The following CCL17 variants were observed in gnomAD, a reference collection of about 807,000 sequenced individuals.
The protein encoded by CCL17 is C-C motif chemokine 17.
A neutral mutation model predicts 7.4 loss-of-function variants in CCL17; 8 were observed. The observed-to-expected ratio is 1.09, with a 90% CI of 0.64 to 1.96. The LOEUF (loss-of-function observed/expected upper bound fraction) is 1.96, where lower values mean the gene tolerates loss of function less well. Among genes scored for constraint, CCL17 ranks in the 30% most tolerant of loss-of-function variants. The pLI, the probability that CCL17 is intolerant of heterozygous loss-of-function variation, is 0.00. For missense variants in CCL17, 102 were observed against 113.0 expected, an observed-to-expected ratio of 0.90 and a Z score of 0.44; for synonymous variants, 40 against 46.1, an observed-to-expected ratio of 0.87 and a Z score of 0.54.
chr16:57,411,214 C>A (rs1332700994), intron 1 of CCL17, among the ~76,000 whole-genome samples: 5 of 152,204 alleles, frequency 3.3e-5, no homozygotes, highest in African/African-American at 1.2e-4. Context: ...ACCTGCATGT[C>A]CCTATGAGGG....
rs552595394 is a variant in CCL17 at position 57,411,909 on chromosome 16, C to T, written c.-59-1965C>T. On this transcript the variant is annotated intron_variant, in intron 1 of 3. Transcript: ENST00000219244. ...TGGGATGTTGGCACCAAAGAGGTGC[C>T]CAGGCAGGAAGAGCAGCCTCCCCTC... Among the ~76,000 whole-genome samples the T allele has an allele frequency of 5.9e-5, 9 of 152,316 alleles. No individual in the cohort carries two copies. The South Asian group carries it at 1.9e-3, about 32-fold the overall frequency.
In CCL17 at chr16:57,415,049, CAGACA is replaced by C. The variant is rs763133187; in HGVS notation, c.71-31_71-27del. ...CCCGCAACACACACGCAGACACTCA[CAGACA>C]CCCCTGCCCCGCTCCTCTCCCTGCA... On this transcript the variant is annotated intron_variant, in intron 2 of 3. Transcript: ENST00000219244. The surrounding 1 kb of genome is among the most constrained non-coding windows in gnomAD (Gnocchi z 4.5). 2.7e-6 allele frequency: 4 copies of C among 1,465,700 alleles called. No individual in the cohort carries two copies. Among genetic ancestry groups the C allele is most frequent in the Non-Finnish European group, 3.8e-6 (4 of 1,045,206 alleles). 90.8% of individuals were successfully genotyped at this position (1,465,700 alleles called of 1,614,324 possible).
Position 57,415,916 on chromosome 16 carries a change from C to T in CCL17, c.*55C>T. 4 of 1,221,864 alleles carry T rather than the reference C, an allele frequency of 3.3e-6. No individual in the cohort carries two copies. Among genetic ancestry groups the T allele is most frequent in the Non-Finnish European group, 4.8e-6 (4 of 825,086 alleles). 75.7% of individuals were successfully genotyped at this position (1,221,864 alleles called of 1,614,324 possible). A position where few individuals can be genotyped will look rare whatever the true frequency, so the allele number is the denominator to read the frequency against. On this transcript the variant is annotated 3_prime_UTR_variant, in exon 4 of 4. Coordinates refer to ENST00000219244, the MANE Select transcript of CCL17 (RefSeq NM_002987.3). This position sits in a 1 kb window ranked among gnomAD's most constrained non-coding sequence, Gnocchi z 4.5. Reference sequence around the variant, plus strand: ...TCCCGGGACTACCTGGGACCTCCACCGTTGGTGTTCACCGCCCCCACCCTG... The same window carrying T: ...TCCCGGGACTACCTGGGACCTCCACTGTTGGTGTTCACCGCCCCCACCCTG...
intron 1 of CCL17, among the ~76,000 whole-genome samples, chr16:57,407,660 C>T (rs563713291): frequency 6.6e-6 from 1 of 152,226 alleles, no homozygotes; most frequent in South Asian, 2.1e-4. Flanking sequence ...ACCCACCCAT[C>T]CATCAGTCCA....
At position 57,415,729 on chromosome 16, in the gene CCL17, C is replaced by G. The variant is rs761147315; in HGVS notation, c.189-36C>G. 2.1e-6 allele frequency: 3 copies of G among 1,403,886 alleles called. No individual in the cohort carries two copies. Among genetic ancestry groups the G allele is most frequent in the Non-Finnish European group, 3.0e-6 (3 of 988,310 alleles). The allele number at this position is 1,403,886 out of a possible 1,614,324, so 87.0% of individuals were successfully genotyped here. ...CCAGGGACTCTGGGGGCCCTTCCCC[C>G]CCTGCCACTCCTGGTAACGTCCTCC... On this transcript the variant is annotated intron_variant, in intron 3 of 3. Transcript: ENST00000219244. This position sits in a 1 kb window ranked among gnomAD's most constrained non-coding sequence, Gnocchi z 4.5.
At chr16:57,410,558 C>T (rs1251850583) in intron 1 of CCL17, among the ~76,000 whole-genome samples, 2 of 152,174 alleles carry the variant, frequency 1.3e-5, no homozygotes, top group Non-Finnish European at 2.9e-5. Flanking sequence ...AGGGAGCATT[C>T]CTGATTGCCC....
intron 1 of CCL17, among the ~76,000 whole-genome samples, chr16:57,405,159 T>G (rs1902675980): frequency 6.6e-6 from 1 of 151,932 alleles, no homozygotes; most frequent in African/African-American, 2.4e-5. Context: ...CATTGACGGT[T>G]TTGGAGGAAG....
chr16:57,396,427 C>T, the CCL17 span, among the ~76,000 whole-genome samples: 1 of 152,126 alleles, frequency 6.6e-6, no homozygotes, highest in South Asian at 2.1e-4. Flanking sequence ...CAAGGTAGCT[C>T]CAGTGAGCGG....
At chr16:57,398,164 A>G in the CCL17 span, among the ~76,000 whole-genome samples, 1 of 152,166 alleles carries the variant, frequency 6.6e-6, no homozygotes, top group African/African-American at 2.4e-5. Flanking sequence ...CTAGTATGCC[A>G]TTTACATCAT....
chr16:57,412,681 C>G (rs1234855290), intron 1 of CCL17, among the ~76,000 whole-genome samples: 2 of 152,144 alleles, frequency 1.3e-5, no homozygotes, highest in African/African-American at 4.8e-5. Flanking sequence ...GCCAAGGTCC[C>G]CCATGTCACA....
At chr16:57,403,190 ATAT>A (rs1412463731), upstream of CCL17, among the ~76,000 whole-genome samples, 1 of 40,232 alleles carries the variant, frequency 2.5e-5, no homozygotes, top group South Asian at 1.1e-3. Flanking sequence ...TATATAATAT[ATAT>A]TATTATCTAT....
chr16:57,415,017 A>C lies in CCL17; in HGVS notation c.71-64A>C, dbSNP rs1436214069. On this transcript the variant is annotated intron_variant, in intron 2 of 3. Coordinates refer to ENST00000219244, the MANE Select transcript of CCL17 (RefSeq NM_002987.3). This position sits in a 1 kb window ranked among gnomAD's most constrained non-coding sequence, Gnocchi z 4.5. ...TGCAGATCTTCCACGAACACCCCCC[A>C]GAGGTCCCCGCAACACACACGCAGA... is the stretch of plus-strand genomic sequence containing the variant. 1 of 1,053,600 alleles carries C rather than the reference A, an allele frequency of 9.5e-7. No individual in the cohort carries two copies. The highest frequency in any genetic ancestry group is 1.5e-6 in the Non-Finnish European group (1 of 670,804). 65.3% of individuals were successfully genotyped at this position (1,053,600 alleles called of 1,614,324 possible).
rs1450262962 is a variant in CCL17 at position 57,415,558 on chromosome 16, C to A, written c.189-207C>A. Among the ~76,000 whole-genome samples, 1 of 152,178 alleles carries A rather than the reference C, an allele frequency of 6.6e-6. No homozygotes were observed. The highest frequency in any genetic ancestry group is 1.5e-5 in the Non-Finnish European group (1 of 68,018). On this transcript the variant is annotated intron_variant, in intron 3 of 3. Coordinates refer to ENST00000219244, the MANE Select transcript of CCL17 (RefSeq NM_002987.3). The surrounding 1 kb of genome is among the most constrained non-coding windows in gnomAD (Gnocchi z 4.5). ...GCAGGCTGAGGGGTGGGCACAAGTT[C>A]CTGCAGCCCTGGCTCCCTGGGAGGG...
chr16:57,396,809 G>T, the CCL17 span, among the ~76,000 whole-genome samples: 1 of 152,190 alleles, frequency 6.6e-6, no homozygotes, highest in Non-Finnish European at 1.5e-5. Flanking sequence ...TGCCCCAGGG[G>T]CAGTCCTGAT....
chr16:57,399,440 T>A, the CCL17 span, among the ~76,000 whole-genome samples: 2 of 152,126 alleles, frequency 1.3e-5, no homozygotes, highest in Non-Finnish European at 2.9e-5. Flanking sequence ...GACCTTCTTT[T>A]TTTTACTTAT....
rs183965759 is a variant in CCL17 at position 57,405,258 on chromosome 16, G to T, written c.-60+422G>T. On this transcript the variant is annotated intron_variant, in intron 1 of 3. Transcript: ENST00000219244. ...GAGGGAGGTGTCAGGAGAGACCAGAGAGGAAGAAATAGGCCCAGAAGTTTT... is the reference window on the plus strand; with the variant it reads ...GAGGGAGGTGTCAGGAGAGACCAGATAGGAAGAAATAGGCCCAGAAGTTTT... Among the ~76,000 whole-genome samples the T allele has an allele frequency of 2.8e-4, 43 of 152,282 alleles. 1 individual carries two copies. Among genetic ancestry groups the T allele is most frequent in the Admixed American group, 1.6e-3 (24 of 15,292 alleles).
At chr16:57,414,342 T>G (rs1480196457) in intron 2 of CCL17, among the ~76,000 whole-genome samples, 1 of 152,024 alleles carries the variant, frequency 6.6e-6, no homozygotes, top group Non-Finnish European at 1.5e-5. Flanking sequence ...ATTAACAGGT[T>G]TTATGCACAA....
At chr16:57,405,210 C>A (rs1361747614) in intron 1 of CCL17, among the ~76,000 whole-genome samples, 2 of 152,108 alleles carry the variant, frequency 1.3e-5, no homozygotes, top group Non-Finnish European at 2.9e-5. Context: ...GAAAGATCCA[C>A]CACATGTGGG....
At chr16:57,399,241 C>T in the CCL17 span, among the ~76,000 whole-genome samples, 1 of 152,076 alleles carries the variant, frequency 6.6e-6, no homozygotes, top group African/African-American at 2.4e-5. Context: ...TGACCTGTTT[C>T]CAGGTGCTTA....
Sources: allele counts gnomAD v4.1 joint callset (sites outside exome capture counted in the v4.1 genomes callset), GRCh38; gene constraint gnomAD v4.1.1; non-coding constraint Gnocchi (gnomAD v3.1); transcripts MANE v1.5; gene names NCBI Gene and HGNC (gene_info 2026-07-23, HGNC 2026-07-21).